Variants in EPHA3 observed in about 807,000 individuals in gnomAD.
The protein encoded by EPHA3 is ephrin type-A receptor 3.
EPHA3 carries 42 observed loss-of-function variants against 107.1 expected under a neutral mutation model. That is an observed-to-expected ratio of 0.39 (90% CI 0.31 to 0.51). The LOEUF is 0.51. EPHA3 is among the 20% of genes least tolerant of loss of function. The probability of loss-of-function intolerance (pLI) is 0.78; values close to 1 mark genes in which losing one functional copy is unlikely to be tolerated. For missense variants in EPHA3, 1,183 were observed against 1,211.2 expected (o/e 0.98, Z 0.35); for synonymous variants, 461 against 424.8 (o/e 1.09, Z -1.05).
chr3:89,129,630 C>A (rs1387868986), intron 2 of EPHA3, among the ~76,000 whole-genome samples: 1 of 144,270 alleles, frequency 6.9e-6, no homozygotes. Flanking sequence ...AGAAACTGAC[C>A]AAATTACTGG....
chr3:89,435,338 G>A (rs1053532109), intron 13 of EPHA3, among the ~76,000 whole-genome samples: 6 of 150,940 alleles, frequency 4.0e-5, no homozygotes, highest in Admixed American at 3.3e-4. Context: ...GGTGGCTCAC[G>A]CCTATAATCT....
chr3:89,125,297 G>C (rs370871632), intron 1 of EPHA3, among the ~76,000 whole-genome samples: 1 of 151,638 alleles, frequency 6.6e-6, no homozygotes, highest in Non-Finnish European at 1.5e-5. Flanking sequence ...CCCATATAAA[G>C]CTCAGAGAAA....
At chr3:89,342,806 T>C (rs1707559853) in intron 5 of EPHA3, among the ~76,000 whole-genome samples, 1 of 151,890 alleles carries the variant, frequency 6.6e-6, no homozygotes, top group Non-Finnish European at 1.5e-5. Flanking sequence ...CAGAATTAGG[T>C]ATACATCCCA....
Position 89,325,544 on chromosome 3 carries a change from C to T in EPHA3, c.815-15372C>T, listed in dbSNP as rs76999311. On this transcript the variant is annotated intron_variant, in intron 3 of 16. Coordinates refer to ENST00000336596, the MANE Select transcript of EPHA3 (RefSeq NM_005233.6). ...TGGCCTAATTGGCCTGCATGTGCCA[C>T]CAAATTAATCTGAGGCCCTCATATC... Among the ~76,000 whole-genome samples, 54 of 152,294 alleles carry T rather than the reference C, an allele frequency of 3.5e-4. No homozygotes were observed. In the East Asian group the frequency reaches 0.01, roughly 29 times the overall value.
chr3:89,423,958 G>T (rs962467017), intron 11 of EPHA3, among the ~76,000 whole-genome samples: 2 of 151,380 alleles, frequency 1.3e-5, no homozygotes, highest in Non-Finnish European at 3.0e-5. Context: ...AGAGAAAGAA[G>T]AAATATGATG....
Position 89,152,359 on chromosome 3 carries a change from C to G in EPHA3, c.153+25086C>G, listed in dbSNP as rs183563692. On this transcript the variant is annotated intron_variant, in intron 2 of 16. Coordinates refer to ENST00000336596, the MANE Select transcript of EPHA3 (RefSeq NM_005233.6). ...TGCTGTTCCTTATTATGATTAAACACTCTCAGAAACTGCACAGGCCTTCTC... is the reference window on the plus strand; with the variant it reads ...TGCTGTTCCTTATTATGATTAAACAGTCTCAGAAACTGCACAGGCCTTCTC... Among the ~76,000 whole-genome samples the G allele has an allele frequency of 1.3e-3, 196 of 152,168 alleles. 1 individual carries two copies. The highest frequency in any genetic ancestry group is 3.4e-4 in the Non-Finnish European group (23 of 67,968).
In EPHA3 at chr3:89,315,837, G is replaced by A. The variant is rs533679957; in HGVS notation, c.815-25079G>A. ...TTCTTATTTCAGAATGTCAAATTTA[G>A]TTGACATTATTCCTTGAGAATGGAA... On this transcript the variant is annotated intron_variant, in intron 3 of 16. Coordinates refer to ENST00000336596, the MANE Select transcript of EPHA3 (RefSeq NM_005233.6). Among the ~76,000 whole-genome samples, 3 of 151,950 alleles carry A rather than the reference G, an allele frequency of 2.0e-5. No homozygotes were observed. In the East Asian group the frequency reaches 5.8e-4, roughly 29 times the overall value.
intron 2 of EPHA3, among the ~76,000 whole-genome samples, chr3:89,150,420 T>C (rs1329041362): frequency 2.0e-5 from 3 of 152,142 alleles, no homozygotes; most frequent in Admixed American, 6.6e-5. Context: ...TGTGCATTCG[T>C]TATTGGAAAA....
intron 5 of EPHA3, among the ~76,000 whole-genome samples, chr3:89,385,892 A>C (rs1194661208): frequency 6.6e-6 from 1 of 152,208 alleles, no homozygotes; most frequent in Non-Finnish European, 1.5e-5. Flanking sequence ...TAGTGATATA[A>C]ACAATGATGA....
chr3:89,247,800 C>G (rs566807018), intron 3 of EPHA3, among the ~76,000 whole-genome samples: 1 of 152,006 alleles, frequency 6.6e-6, no homozygotes, highest in Admixed American at 6.5e-5. Context: ...GATTGACATG[C>G]AGATTTATGA....
chr3:89,399,867 A>G, intron 7 of EPHA3: 1 of 1,075,680 alleles, frequency 9.3e-7, no homozygotes, highest in Non-Finnish European at 1.1e-6. Flanking sequence ...GATCCATGAG[A>G]ATCTTAATTT....
intron 9 of EPHA3, 148 bp downstream of exon 9, chr3:89,408,279 A>T (rs867722901): frequency 2.0e-5 from 15 of 733,210 alleles, no homozygotes; most frequent in Middle Eastern, 3.8e-4. Flanking sequence ...TTTTAGAAAA[A>T]GAGGGAAATT....
intron 5 of EPHA3, among the ~76,000 whole-genome samples, chr3:89,350,847 C>G (rs1197079478): frequency 6.6e-6 from 1 of 151,178 alleles, no homozygotes; most frequent in African/African-American, 2.4e-5. Context: ...ACAGGACCCT[C>G]AGCTGCAGGT....
intron 2 of EPHA3, among the ~76,000 whole-genome samples, chr3:89,162,343 TTAA>T (rs1704967753): frequency 6.6e-6 from 1 of 152,182 alleles, no homozygotes; most frequent in South Asian, 2.1e-4. Context: ...ACCTTATTAA[TTAA>T]TAATGTCCAA....
At chr3:89,477,610 G>A (rs1710543337) in intron 16 of EPHA3, among the ~76,000 whole-genome samples, 2 of 151,972 alleles carry the variant, frequency 1.3e-5, no homozygotes, top group South Asian at 4.2e-4. Flanking sequence ...TCCCCTCTGT[G>A]TGTGTGTGTG....
chr3:89,454,510 G>A (rs1204485812), intron 15 of EPHA3, among the ~76,000 whole-genome samples: 2 of 152,018 alleles, frequency 1.3e-5, no homozygotes, highest in Non-Finnish European at 2.9e-5. Context: ...TTCGTCTTCT[G>A]ACCTGGACCA....
chr3:89,173,144 C>T (rs1705244682), intron 2 of EPHA3, among the ~76,000 whole-genome samples: 1 of 152,078 alleles, frequency 6.6e-6, no homozygotes, highest in Admixed American at 6.6e-5. Flanking sequence ...TGATATTTTA[C>T]ATTTCATAAT....
chr3:89,441,507 T>C (rs1229210271), intron 13 of EPHA3, among the ~76,000 whole-genome samples: 1 of 152,166 alleles, frequency 6.6e-6, no homozygotes, highest in Non-Finnish European at 1.5e-5. Context: ...AAAAAACACA[T>C]CTTCATAAAT....
At chr3:89,117,197 T>C (rs1179135743) in intron 1 of EPHA3, among the ~76,000 whole-genome samples, 3 of 152,088 alleles carry the variant, frequency 2.0e-5, no homozygotes, top group Non-Finnish European at 4.4e-5. Context: ...TTTCAATTAA[T>C]AGTTAAGAAA....
Sources: allele counts gnomAD v4.1 joint callset (sites outside exome capture counted in the v4.1 genomes callset), GRCh38; gene constraint gnomAD v4.1.1; transcripts MANE v1.5; gene names NCBI Gene and HGNC (gene_info 2026-07-23, HGNC 2026-07-21).